Variants in NRG3 observed in about 807,000 individuals in gnomAD.
NRG3 encodes neuregulin 3.
NRG3 carries 31 observed loss-of-function variants against 66.9 expected under a neutral mutation model. That is an observed-to-expected ratio of 0.46 (90% CI 0.35 to 0.63). The LOEUF (loss-of-function observed/expected upper bound fraction) is 0.63. NRG3 is among the 20% of genes least tolerant of loss of function. The pLI is 0.00. For missense variants in NRG3, 910 were observed against 878.9 expected (o/e 1.04, Z -0.45); for synonymous variants, 393 against 359.4 (o/e 1.09, Z -1.06).
rs533495412 is a variant in NRG3, at chr10:81,951,790, A to G, written c.823+75627A>G. Among the ~76,000 whole-genome samples, 184 of 152,360 alleles carry G rather than the reference A, an allele frequency of 1.2e-3. 2 individuals are homozygous for G. In the South Asian group the frequency reaches 0.021, roughly 17 times the overall value. ...TTACTGGGTATATACCCAAAGGATT[A>G]TAAATCATGCTGCTATAAAGACACA... On this transcript the variant is annotated intron_variant, in intron 1 of 8. Transcript: ENST00000372141.
intron 2 of NRG3, among the ~76,000 whole-genome samples, chr10:82,410,910 C>A (rs918078210): frequency 3.9e-5 from 6 of 152,118 alleles, no homozygotes; most frequent in African/African-American, 1.4e-4. Context: ...AAATTCACTA[C>A]ATTTTAAAGT....
At chr10:82,919,902 G>A (rs1846257219) in intron 4 of NRG3, among the ~76,000 whole-genome samples, 1 of 151,466 alleles carries the variant, frequency 6.6e-6, no homozygotes, top group African/African-American at 2.4e-5. Flanking sequence ...TCAAATTACT[G>A]TCTTATGATA....
chr10:82,444,569 G>A (rs55993103), intron 2 of NRG3, among the ~76,000 whole-genome samples: 2 of 152,112 alleles, frequency 1.3e-5, no homozygotes, highest in Non-Finnish European at 2.9e-5. Flanking sequence ...TAAGGTGGAG[G>A]GGGGAAAATG....
chr10:81,884,393 G>A (rs1842433576), intron 1 of NRG3, among the ~76,000 whole-genome samples: 1 of 152,144 alleles, frequency 6.6e-6, no homozygotes, highest in Non-Finnish European at 1.5e-5. Context: ...AAAAGATAAA[G>A]AATATGTTGT....
chr10:82,630,538 C>T (rs530812403), intron 2 of NRG3, among the ~76,000 whole-genome samples: 7 of 151,782 alleles, frequency 4.6e-5, no homozygotes, highest in African/African-American at 7.3e-5. Context: ...TTGGCCCGGA[C>T]GTGGTGGTGG....
intron 1 of NRG3, among the ~76,000 whole-genome samples, chr10:82,104,745 A>G (rs1045437190): frequency 3.9e-5 from 6 of 152,212 alleles, no homozygotes; most frequent in African/African-American, 1.4e-4. Context: ...ATGTGTATCA[A>G]TCTCTCCATT....
At chr10:82,978,091 T>C (rs561044316) in intron 7 of NRG3, among the ~76,000 whole-genome samples, 1 of 152,302 alleles carries the variant, frequency 6.6e-6, no homozygotes, top group Non-Finnish European at 1.5e-5. Context: ...TCGTGGAATG[T>C]CTACACATGA....
At chr10:82,694,073 T>A (rs1470546329) in intron 2 of NRG3, among the ~76,000 whole-genome samples, 1 of 152,106 alleles carries the variant, frequency 6.6e-6, no homozygotes, top group African/African-American at 2.4e-5. Context: ...GCATTTAGAA[T>A]CCTTTAGCTG....
intron 1 of NRG3, among the ~76,000 whole-genome samples, chr10:82,085,722 C>T (rs1054141622): frequency 2.0e-5 from 3 of 151,904 alleles, no homozygotes; most frequent in Non-Finnish European, 2.9e-5. Flanking sequence ...CTGCAACCTT[C>T]GCCTTCTGGG....
intron 1 of NRG3, among the ~76,000 whole-genome samples, chr10:81,968,617 G>A (rs552182215): frequency 6.6e-6 from 1 of 152,276 alleles, no homozygotes; most frequent in Admixed American, 6.5e-5. Context: ...CAAGTAAGAG[G>A]AATAGAGCAT....
chr10:82,604,223 G>A (rs1258445309), intron 2 of NRG3, among the ~76,000 whole-genome samples: 2 of 151,944 alleles, frequency 1.3e-5, no homozygotes, highest in Non-Finnish European at 2.9e-5. Context: ...CTGAACCCTT[G>A]GCAAACTGAT....
intron 2 of NRG3, among the ~76,000 whole-genome samples, chr10:82,421,912 A>G (rs144436591): frequency 1.3e-5 from 2 of 152,172 alleles, no homozygotes; most frequent in East Asian, 3.9e-4. Context: ...TGTCATTTCA[A>G]CTACTTTCGG....
Position 82,660,912 on chromosome 10 carries a change from A to G in NRG3, c.954-77665A>G, listed in dbSNP as rs140122626. Among the ~76,000 whole-genome samples, 1,339 of 152,094 alleles carry G rather than the reference A, an allele frequency of 8.8e-3. 22 individuals carry two copies. The highest frequency in any genetic ancestry group is 0.031 in the African/African-American group (1,292 of 41,460). On this transcript the variant is annotated intron_variant, in intron 2 of 8. Coordinates refer to ENST00000372141, the MANE Select transcript of NRG3 (RefSeq NM_001010848.4). ...TTATGTCCTCCCTCCTTTATTTTCA[A>G]TGTCCTCCCTCTTCCATTTTTAGAA...
intron 5 of NRG3, among the ~76,000 whole-genome samples, chr10:82,953,964 A>AG (rs985822617): frequency 6.6e-6 from 1 of 151,508 alleles, no homozygotes; most frequent in Admixed American, 6.6e-5. Context: ...TCTCAAAAAA[A>AG]AAAAAACAAT....
At chr10:82,873,818 G>C (rs1841562371) in intron 4 of NRG3, among the ~76,000 whole-genome samples, 1 of 152,078 alleles carries the variant, frequency 6.6e-6, no homozygotes, top group East Asian at 1.9e-4. Context: ...AATGAATGCT[G>C]TCAGTTAAAT....
chr10:82,095,372 C>T (rs1172980108), intron 1 of NRG3, among the ~76,000 whole-genome samples: 1 of 151,954 alleles, frequency 6.6e-6, no homozygotes, highest in Non-Finnish European at 1.5e-5. Context: ...ATATTCTGTT[C>T]ACCTAATCAC....
intron 2 of NRG3, among the ~76,000 whole-genome samples, chr10:82,463,655 C>T (rs1225639125): frequency 1.3e-5 from 2 of 152,202 alleles, no homozygotes; most frequent in African/African-American, 4.8e-5. Flanking sequence ...TATGCTCTCA[C>T]TACCTCTTCA....
At chr10:82,985,020 A>G in intron 8 of NRG3, 78 bp from the exon 9 acceptor site, 1 of 1,530,514 alleles carries the variant, frequency 6.5e-7, no homozygotes, top group Non-Finnish European at 8.9e-7. Flanking sequence ...TGCATGTGAA[A>G]AGTGCTTTGT....
At chr10:82,628,422 A>G (rs2049574917) in intron 2 of NRG3, among the ~76,000 whole-genome samples, 1 of 152,208 alleles carries the variant, frequency 6.6e-6, no homozygotes, top group South Asian at 2.1e-4. Flanking sequence ...AGGATGGAAA[A>G]ATAGGGTGTT....
Sources: gnomAD v4.1 joint callset for allele counts (sites outside exome capture counted in the v4.1 genomes callset) on GRCh38, gnomAD v4.1.1 for gene constraint, MANE v1.5 for transcripts, NCBI Gene and HGNC (gene_info 2026-07-23, HGNC 2026-07-21) for gene names.